LRRIQ3: variants seen among roughly 807,000 people sequenced by gnomAD.
LRRIQ3 encodes the protein leucine-rich repeat and IQ domain-containing protein 3.
In LRRIQ3, 75 loss-of-function variants were observed where a neutral mutation model predicts 59.3. The ratio of observed to expected loss-of-function variants is 1.26; its 90% CI spans 1.05 to 1.53. LRRIQ3 has a LOEUF of 1.53. LRRIQ3 is among the 40% of genes most tolerant of loss of function. The pLI, the probability that LRRIQ3 is intolerant of heterozygous loss-of-function variation, is 0.00. For missense variants in LRRIQ3, 831 were observed against 710.0 expected, an observed-to-expected ratio of 1.17 and a Z score of -1.94; for synonymous variants, 250 against 231.3, an observed-to-expected ratio of 1.08 and a Z score of -0.73.
intron 6 of LRRIQ3, among the ~76,000 whole-genome samples, chr1:74,073,415 G>A (rs2100476092): frequency 6.6e-6 from 1 of 152,152 alleles, no homozygotes; most frequent in African/African-American, 2.4e-5. Flanking sequence ...AGGAGGCTGA[G>A]GTGGAGGATC....
chr1:74,096,105 C>A (rs149378762), intron 5 of LRRIQ3, among the ~76,000 whole-genome samples: 1 of 151,942 alleles, frequency 6.6e-6, no homozygotes, highest in African/African-American at 2.4e-5. Flanking sequence ...AAAAAAATAA[C>A]TGTTAAGAGT....
chr1:74,118,548 C>T (rs1166022041), intron 4 of LRRIQ3, among the ~76,000 whole-genome samples: 1 of 151,930 alleles, frequency 6.6e-6, no homozygotes, highest in Non-Finnish European at 1.5e-5. Context: ...TCGGTCTCTT[C>T]CCAGCCTTCT....
At chr1:74,175,254 ACAGT>A (rs1367748237) in intron 3 of LRRIQ3, among the ~76,000 whole-genome samples, 2 of 152,178 alleles carry the variant, frequency 1.3e-5, no homozygotes, top group African/African-American at 4.8e-5. Context: ...TGACAGGTCT[ACAGT>A]CAGTCAAGGC....
At chr1:74,178,355 T>C (rs914559521) in intron 3 of LRRIQ3, among the ~76,000 whole-genome samples, 1 of 152,046 alleles carries the variant, frequency 6.6e-6, no homozygotes, top group African/African-American at 2.4e-5. Context: ...ATATAGACTG[T>C]TTAACTGTAT....
At chr1:74,144,839 T>TAC (rs373958318) in intron 4 of LRRIQ3, among the ~76,000 whole-genome samples, 4,725 of 149,118 alleles carry the variant, frequency 0.032, 99 homozygotes, top group Middle Eastern at 0.073. Context: ...CATGTATGTG[T>TAC]ACACACACAC....
chr1:74,079,846 C>T (rs1340251838), intron 5 of LRRIQ3, among the ~76,000 whole-genome samples: 4 of 151,762 alleles, frequency 2.6e-5, no homozygotes, highest in South Asian at 2.1e-4. Flanking sequence ...TTAAAAGAAA[C>T]GTATAGCTTG....
chr1:74,177,574 CTCTT>C (rs1202966625), intron 3 of LRRIQ3, among the ~76,000 whole-genome samples: 2 of 151,996 alleles, frequency 1.3e-5, no homozygotes, highest in Non-Finnish European at 2.9e-5. Context: ...TCTGCCTCTT[CTCTT>C]TACCTTTTTA....
chr1:74,169,878 A>G (rs1016148950), intron 3 of LRRIQ3, among the ~76,000 whole-genome samples: 34 of 152,236 alleles, frequency 2.2e-4, no homozygotes, highest in African/African-American at 7.9e-4. Flanking sequence ...ATGCAATGGT[A>G]TCTCCTCATT....
chr1:74,120,383 T>C (rs1646837501), intron 4 of LRRIQ3, among the ~76,000 whole-genome samples: 1 of 152,098 alleles, frequency 6.6e-6, no homozygotes, highest in South Asian at 2.1e-4. Flanking sequence ...TCCAAAGTGC[T>C]GAGATTACAG....
chr1:74,117,761 C>G (rs545706010), intron 4 of LRRIQ3, among the ~76,000 whole-genome samples: 1 of 152,028 alleles, frequency 6.6e-6, no homozygotes, highest in Non-Finnish European at 1.5e-5. Flanking sequence ...GCAAGTTTGT[C>G]TCAAAACAAT....
chr1:74,102,028 T>G (rs1274525921), intron 5 of LRRIQ3, among the ~76,000 whole-genome samples: 1 of 151,378 alleles, frequency 6.6e-6, no homozygotes, highest in Admixed American at 6.6e-5. Flanking sequence ...CTGCACGTTG[T>G]GCACATGTAC....
intron 7 of LRRIQ3, among the ~76,000 whole-genome samples, chr1:74,030,339 C>A (rs916072568): frequency 2.0e-5 from 3 of 152,134 alleles, no homozygotes; most frequent in African/African-American, 7.2e-5. Flanking sequence ...CTGGAGGCAT[C>A]ATGCTACCTG....
intron 7 of LRRIQ3, 52 bp downstream of exon 7, chr1:74,041,161 T>C (rs1654031316): frequency 1.5e-6 from 2 of 1,377,844 alleles, no homozygotes; most frequent in South Asian, 1.4e-5. Flanking sequence ...TAGCATGCAA[T>C]ATTCACATGT....
intron 4 of LRRIQ3, among the ~76,000 whole-genome samples, chr1:74,111,966 C>T (rs1486230236): frequency 3.2e-4 from 49 of 152,114 alleles, no homozygotes; most frequent in Non-Finnish European, 2.9e-5. Context: ...GGGCTTTCTT[C>T]ATCCCTCCAG....
intron 1 of LRRIQ3, among the ~76,000 whole-genome samples, chr1:74,193,111 A>T (rs538871657): frequency 6.6e-6 from 1 of 152,254 alleles, no homozygotes; most frequent in Admixed American, 6.5e-5. Context: ...CTTGTTGCAA[A>T]TTTAAAATAT....
chr1:74,069,629 C>A (rs1383996403), intron 6 of LRRIQ3, among the ~76,000 whole-genome samples: 2 of 151,906 alleles, frequency 1.3e-5, no homozygotes, highest in Admixed American at 1.3e-4. Flanking sequence ...ATAGCAAAAT[C>A]AATCAGCAGC....
intron 3 of LRRIQ3, among the ~76,000 whole-genome samples, chr1:74,167,130 C>A (rs1311560857): frequency 6.6e-6 from 1 of 151,792 alleles, no homozygotes; most frequent in Non-Finnish European, 1.5e-5. Flanking sequence ...AGTCATTATA[C>A]AAAAAAGATA....
chr1:74,109,838 A>C (rs946670761), intron 4 of LRRIQ3, among the ~76,000 whole-genome samples: 1 of 151,742 alleles, frequency 6.6e-6, no homozygotes, highest in African/African-American at 2.4e-5. Flanking sequence ...TGGGAAGGAG[A>C]ACATGTCTAA....
chr1:74,074,809 A>G lies in LRRIQ3; in HGVS notation c.868-19T>C. ...ATATATTCTGTGAAAATAAAATAAA[A>G]GCAATGACAATGATAATATCTCATG... On this transcript the variant is annotated intron_variant, in intron 5 of 7. Coordinates refer to ENST00000354431, the MANE Select transcript of LRRIQ3 (RefSeq NM_001105659.2). The G allele has an allele frequency of 8.4e-7, 1 of 1,195,248 alleles. No homozygotes were observed. The highest frequency in any genetic ancestry group is 1.1e-6 in the Non-Finnish European group (1 of 885,438). The allele number at this position is 1,195,248 out of a possible 1,614,324, so 74.0% of individuals were successfully genotyped here. A position where few individuals can be genotyped will look rare whatever the true frequency, so the allele number is the denominator to read the frequency against.
Sources: allele counts gnomAD v4.1 joint callset (sites outside exome capture counted in the v4.1 genomes callset), GRCh38; gene constraint gnomAD v4.1.1; transcripts MANE v1.5; gene names NCBI Gene and HGNC (gene_info 2026-07-23, HGNC 2026-07-21).